The following STAG1 variants were observed in gnomAD, a reference collection of about 807,000 sequenced individuals.
STAG1 encodes STAG1 cohesin complex component, also known as cohesin subunit SA-1.
Under a neutral mutation model 170.9 loss-of-function variants are expected in STAG1, and 26 were observed. The observed-to-expected ratio is 0.15, with a 90% CI of 0.11 to 0.21. The LOEUF is 0.21. STAG1 is among the 10% of genes least tolerant of loss of function. STAG1 has a pLI of 1.00. For synonymous variants in STAG1, 514 were observed against 497.7 expected (o/e 1.03, Z -0.44); for missense variants, 964 against 1,509.5 (o/e 0.64, Z 5.99).
intron 1 of STAG1, among the ~76,000 whole-genome samples, chr3:136,683,905 A>G (rs1183556997): frequency 6.6e-6 from 1 of 152,222 alleles, no homozygotes. Context: ...AAACAATTTG[A>G]CATTTAAAAC....
At chr3:136,349,101 T>C in intron 29 of STAG1, 57 bp downstream of exon 29, 1 of 1,246,854 alleles carries the variant, frequency 8.0e-7, no homozygotes, top group Non-Finnish European at 1.2e-6. Context: ...GATTATTTAC[T>C]ACTTTATCTC....
At chr3:136,731,208 C>T (rs1488255027) in intron 1 of STAG1, among the ~76,000 whole-genome samples, 1 of 152,044 alleles carries the variant, frequency 6.6e-6, no homozygotes, top group Non-Finnish European at 1.5e-5. Context: ...CAACAAACCA[C>T]CTCAAGGCAT....
At chr3:136,655,298 A>T (rs1402832065) in intron 1 of STAG1, among the ~76,000 whole-genome samples, 1 of 152,216 alleles carries the variant, frequency 6.6e-6, no homozygotes, top group Non-Finnish European at 1.5e-5. Flanking sequence ...AAAAACAAAT[A>T]ACCTGATTCA....
intron 21 of STAG1, among the ~76,000 whole-genome samples, chr3:136,410,055 G>T (rs1395900286): frequency 1.6e-5 from 2 of 129,014 alleles, no homozygotes; most frequent in East Asian, 4.3e-4. Flanking sequence ...GTGCAACAGG[G>T]AAAGTCCTTG....
At chr3:136,469,064 T>C (rs78524087) in intron 12 of STAG1, among the ~76,000 whole-genome samples, 1,746 of 152,280 alleles carry the variant, frequency 0.011, 58 homozygotes, top group East Asian at 0.089. Context: ...GCATTCCCTT[T>C]GAAAACTGGC....
intron 3 of STAG1, among the ~76,000 whole-genome samples, chr3:136,605,389 G>C (rs1218533089): frequency 1.3e-5 from 2 of 152,142 alleles, no homozygotes; most frequent in Non-Finnish European, 2.9e-5. Flanking sequence ...ATCTATTCCT[G>C]TTAATTTCAT....
At chr3:136,708,042 CTAG>C (rs1316254340) in intron 1 of STAG1, among the ~76,000 whole-genome samples, 2 of 152,090 alleles carry the variant, frequency 1.3e-5, no homozygotes, top group Non-Finnish European at 2.9e-5. Context: ...TCATACATTG[CTAG>C]TAGAAATGTA....
chr3:136,388,469 A>G (rs2086925048), intron 22 of STAG1, among the ~76,000 whole-genome samples: 1 of 152,102 alleles, frequency 6.6e-6, no homozygotes, highest in South Asian at 2.1e-4. Context: ...CCTGGGTTCA[A>G]GCGATTCTGT....
At chr3:136,474,544 TAA>T (rs762119801) in intron 10 of STAG1, among the ~76,000 whole-genome samples, 2 of 152,238 alleles carry the variant, frequency 1.3e-5, no homozygotes, top group Non-Finnish European at 2.9e-5. Flanking sequence ...TTATTTAATG[TAA>T]ATAGTGCCTT....
rs191882207 is a variant in STAG1, at chr3:136,631,063, C to T, written c.-83-82G>A. On this transcript the variant is annotated intron_variant, in intron 1 of 33. Transcript: ENST00000383202. ...AAACTACAATCAATCCACACCACTA[C>T]CAGTGATCACACTACTTGGCATTTA... 2.1e-4 allele frequency: 129 copies of T among 625,562 alleles called. No individual in the cohort carries two copies. In the East Asian group the frequency reaches 3.2e-3, roughly 16 times the overall value. 38.8% of individuals were successfully genotyped at this position (625,562 alleles called of 1,614,324 possible). A position where few individuals can be genotyped will look rare whatever the true frequency, so the allele number is the denominator to read the frequency against.
chr3:136,629,210 G>C (rs1363766192), intron 2 of STAG1, among the ~76,000 whole-genome samples: 1 of 152,132 alleles, frequency 6.6e-6, no homozygotes, highest in Non-Finnish European at 1.5e-5. Flanking sequence ...AGCTATTAAA[G>C]GCCTACCTAA....
chr3:136,368,176 C>G (rs866637155), intron 24 of STAG1, among the ~76,000 whole-genome samples: 13 of 152,270 alleles, frequency 8.5e-5, no homozygotes, highest in Middle Eastern at 6.8e-3. Flanking sequence ...TACTGTTTCA[C>G]AGACTAGTAT....
At chr3:136,372,782 T>C (rs1553795057) in intron 23 of STAG1, among the ~76,000 whole-genome samples, 2 of 152,244 alleles carry the variant, frequency 1.3e-5, no homozygotes, top group Non-Finnish European at 2.9e-5. Context: ...GCATCAATGT[T>C]CATCAGGGAT....
intron 7 of STAG1, among the ~76,000 whole-genome samples, chr3:136,503,732 C>T (rs1453552204): frequency 6.6e-6 from 1 of 151,926 alleles, no homozygotes; most frequent in Non-Finnish European, 1.5e-5. Flanking sequence ...TCTAAAATTT[C>T]ATTATTTTTA....
At chr3:136,491,661 G>A (rs577795291) in intron 9 of STAG1, among the ~76,000 whole-genome samples, 7 of 152,270 alleles carry the variant, frequency 4.6e-5, no homozygotes, top group African/African-American at 1.4e-4. Context: ...CATACTTACT[G>A]TAAATGATTA....
At position 136,366,957 on chromosome 3, in the gene STAG1, T is replaced by G. The variant is rs1475738399; in HGVS notation, c.2671A>C (p.Lys891Gln). ...TTTAACTATACCTTCATGTAGTGTT[T>G]GAAGATGTCTGCAGCTGCATGCATG... ...VDMHAAADIFKHYMKYYNDYG... is the reference protein window; with the variant it reads ...VDMHAAADIFQHYMKYYNDYG... The change falls in exon 25 of 34, where the codon AAA becomes CAA. Residue 891 changes from lysine (K) to glutamine (Q), a missense_variant. Lys to Gln is a moderately conservative substitution (Grantham distance 53). Transcript: ENST00000383202. 6.2e-7 allele frequency: 1 copy of G among 1,603,506 alleles called. No homozygotes were observed. The highest frequency in any genetic ancestry group is 8.5e-7 in the Non-Finnish European group (1 of 1,173,384).
At chr3:136,707,871 C>G (rs1309208350) in intron 1 of STAG1, among the ~76,000 whole-genome samples, 1 of 152,074 alleles carries the variant, frequency 6.6e-6, no homozygotes, top group Admixed American at 6.6e-5. Context: ...AAATACCTCC[C>G]AATAGGTCCC....
chr3:136,472,597 T>C, intron 11 of STAG1, 105 bp from the exon 12 acceptor site: 1 of 705,692 alleles, frequency 1.4e-6, no homozygotes, highest in East Asian at 2.7e-5. Flanking sequence ...TAATGATAGG[T>C]TAAATAAAAA....
chr3:136,464,875 G>T lies in STAG1; in HGVS notation c.1313+6C>A. ...TAGAACCGGTTTTCAAAGATAATTA[G>T]CTCACTTTTTGTGAAGGAACTCTCC... On this transcript the variant is annotated splice_donor_region_variant and intron_variant, in intron 13 of 33. Coordinates refer to ENST00000383202, the MANE Select transcript of STAG1 (RefSeq NM_005862.3). The T allele has an allele frequency of 6.2e-7, 1 of 1,605,694 alleles. No individual in the cohort carries two copies. The highest frequency in any genetic ancestry group is 1.1e-5 in the South Asian group (1 of 89,342).
Sources: allele counts gnomAD v4.1 joint callset (sites outside exome capture counted in the v4.1 genomes callset), GRCh38; gene constraint gnomAD v4.1.1; transcripts MANE v1.5; gene names NCBI Gene and HGNC (gene_info 2026-07-23, HGNC 2026-07-21).